KCNH7: variants seen among roughly 807,000 people sequenced by gnomAD.
KCNH7 encodes the protein potassium voltage-gated channel subfamily H member 7.
A neutral mutation model predicts 120.8 loss-of-function variants in KCNH7; 49 were observed. That is an observed-to-expected ratio of 0.41 (90% CI 0.32 to 0.51). The LOEUF (loss-of-function observed/expected upper bound fraction) is 0.51. KCNH7 is among the 20% of genes least tolerant of loss of function. The pLI is 0.38. For missense variants in KCNH7, 1,097 were observed against 1,446.6 expected (o/e 0.76, Z 3.92); for synonymous variants, 547 against 516.1 (o/e 1.06, Z -0.81).
intron 9 of KCNH7, among the ~76,000 whole-genome samples, chr2:162,409,769 C>A (rs1687331149): frequency 6.6e-6 from 1 of 151,870 alleles, no homozygotes; most frequent in African/African-American, 2.4e-5. Context: ...AAATCAGTAG[C>A]ATTTCTATAC....
At chr2:162,825,141 G>T (rs1195881534) in intron 2 of KCNH7, among the ~76,000 whole-genome samples, 1 of 151,978 alleles carries the variant, frequency 6.6e-6, no homozygotes, top group Non-Finnish European at 1.5e-5. Flanking sequence ...TTGGAAAAAT[G>T]CCAGCAAATT....
intron 6 of KCNH7, among the ~76,000 whole-genome samples, chr2:162,476,019 G>C (rs1285153684): frequency 1.3e-5 from 2 of 152,194 alleles, no homozygotes; most frequent in Non-Finnish European, 2.9e-5. Context: ...CCAGAAAACT[G>C]CAACTGGAGA....
chr2:162,581,594 T>C (rs1693868084), intron 2 of KCNH7, among the ~76,000 whole-genome samples: 1 of 88,690 alleles, frequency 1.1e-5, no homozygotes, highest in African/African-American at 7.6e-5. Context: ...ACTGCAATTC[T>C]TTTAAGATTT....
At chr2:162,654,986 G>A (rs536874100) in intron 2 of KCNH7, among the ~76,000 whole-genome samples, 2 of 152,228 alleles carry the variant, frequency 1.3e-5, no homozygotes, top group Admixed American at 1.3e-4. Context: ...GGAAGGGGAG[G>A]AGCAGGATTA....
At position 162,372,108 on chromosome 2, in the gene KCNH7, G is replaced by A. The variant is rs1558911697; in HGVS notation, c.3325-13C>T. 1 of 1,592,506 alleles carries A rather than the reference G, an allele frequency of 6.3e-7. No homozygotes were observed. Among genetic ancestry groups the A allele is most frequent in the African/African-American group, 1.4e-5 (1 of 73,944 alleles). On this transcript the variant is annotated splice_polypyrimidine_tract_variant and intron_variant, in intron 15 of 15. Transcript: ENST00000332142. ...GAAATTCAGGACACTGATGGAAAAA[G>A]AACAAAACAAGTTTTTATAATTCAC...
chr2:162,792,528 G>A (rs1683984460), intron 2 of KCNH7, among the ~76,000 whole-genome samples: 1 of 151,978 alleles, frequency 6.6e-6, no homozygotes, highest in Non-Finnish European at 1.5e-5. Flanking sequence ...GTGTGTCCAG[G>A]AAATTATCCA....
Position 162,800,425 on chromosome 2 carries a change from T to TAC in KCNH7, c.307+36110_307+36111dup, listed in dbSNP as rs1288315102. ...AGTATTTTTACATTTTTATTGAGTA[T>TAC]ACTATTATCACCTATGGTAATTTTT... On this transcript the variant is annotated intron_variant, in intron 2 of 15. Transcript: ENST00000332142. Among the ~76,000 whole-genome samples the TAC allele has an allele frequency of 9.9e-5, 15 of 151,886 alleles. No homozygotes were observed. In the East Asian group the frequency reaches 2.9e-3, roughly 29 times the overall value.
chr2:162,443,717 C>A (rs1483794217), intron 7 of KCNH7, among the ~76,000 whole-genome samples: 1 of 152,192 alleles, frequency 6.6e-6, no homozygotes, highest in East Asian at 1.9e-4. Context: ...AGATGACAGC[C>A]TTTGCAGTCT....
At chr2:162,623,332 G>A (rs1476433694) in intron 2 of KCNH7, among the ~76,000 whole-genome samples, 1 of 152,034 alleles carries the variant, frequency 6.6e-6, no homozygotes, top group Non-Finnish European at 1.5e-5. Context: ...CTTGCCTTTT[G>A]TTGTCATTTT....
intron 13 of KCNH7, among the ~76,000 whole-genome samples, chr2:162,381,868 A>G (rs1027504763): frequency 8.5e-5 from 13 of 152,118 alleles, no homozygotes; most frequent in Non-Finnish European, 1.8e-4. Context: ...ACCTGTTTAA[A>G]ATGCAAAACA....
intron 2 of KCNH7, among the ~76,000 whole-genome samples, chr2:162,770,756 A>G (rs1202098362): frequency 1.3e-5 from 2 of 152,052 alleles, no homozygotes; most frequent in African/African-American, 2.4e-5. Flanking sequence ...AGACATCTAT[A>G]TTTCTAAATA....
chr2:162,384,755 G>C lies in KCNH7; in HGVS notation c.2895C>G (p.Leu965=). Residue 965 remains leucine (L), a synonymous_variant, in exon 13 of 16, where the codon CTC becomes CTG. Coordinates refer to ENST00000332142, the MANE Select transcript of KCNH7 (RefSeq NM_033272.4). ...AGGTGGGCACTGTTTCTTCAAAATC[G>C]AGCCCAGATGCTTTCCCTATTCCTG... ...SSPGIGKASG[L]DFEETVPTSG... is the part of the protein sequence containing the mutation. 1.2e-6 allele frequency: 2 copies of C among 1,612,666 alleles called. No homozygotes were observed. Among genetic ancestry groups the C allele is most frequent in the Non-Finnish European group, 1.7e-6 (2 of 1,179,038 alleles).
intron 6 of KCNH7, among the ~76,000 whole-genome samples, chr2:162,470,197 C>T (rs1689460755): frequency 6.6e-6 from 1 of 151,892 alleles, no homozygotes; most frequent in Admixed American, 6.5e-5. Flanking sequence ...GCCCCTCTGC[C>T]TGGCTGCCCA....
intron 2 of KCNH7, among the ~76,000 whole-genome samples, chr2:162,822,282 C>A (rs549703880): frequency 6.6e-6 from 1 of 151,988 alleles, no homozygotes; most frequent in South Asian, 2.1e-4. Flanking sequence ...AATTCCTTAT[C>A]ACATTTTTAA....
chr2:162,801,551 T>C (rs1330452673), intron 2 of KCNH7, among the ~76,000 whole-genome samples: 1 of 151,800 alleles, frequency 6.6e-6, no homozygotes, highest in East Asian at 1.9e-4. Context: ...ATTCTGATGT[T>C]CTCAAAAGGC....
intron 2 of KCNH7, among the ~76,000 whole-genome samples, chr2:162,641,591 T>C (rs1385168825): frequency 6.6e-6 from 1 of 152,030 alleles, no homozygotes; most frequent in African/African-American, 2.4e-5. Context: ...TTATTCCTCT[T>C]ACACAACATT....
intron 2 of KCNH7, among the ~76,000 whole-genome samples, chr2:162,817,420 A>G (rs956546098): frequency 6.6e-6 from 1 of 152,092 alleles, no homozygotes; most frequent in Non-Finnish European, 1.5e-5. Flanking sequence ...TGATTGGTGT[A>G]CCATTGTCTG....
At position 162,400,391 on chromosome 2, in the gene KCNH7, G is replaced by C. The variant is rs1295958943; in HGVS notation, c.2205C>G (p.Leu735=). 2 of 1,612,234 alleles carry C rather than the reference G, an allele frequency of 1.2e-6. No individual in the cohort carries two copies. The highest frequency in any genetic ancestry group is 1.7e-6 in the Non-Finnish European group (2 of 1,178,794). Residue 735 remains leucine, a synonymous_variant, in exon 10 of 16, where the codon CTC becomes CTG. Coordinates refer to ENST00000332142, the MANE Select transcript of KCNH7 (RefSeq NM_033272.4). Reference sequence around the variant, plus strand: ...TGCAGTTTTGCAGCAATGTCTGGTTGAGATGTAGACAAATGTCTGCTTGTA... The same window carrying C: ...TGCAGTTTTGCAGCAATGTCTGGTTCAGATGTAGACAAATGTCTGCTTGTA... The part of the protein sequence containing the change: ...ECLQADICLH[L]NQTLLQNCKA...
chr2:162,836,489 C>T, intron 2 of KCNH7, 48 bp downstream of exon 2: 1 of 1,472,304 alleles, frequency 6.8e-7, no homozygotes, highest in Non-Finnish European at 9.4e-7. Flanking sequence ...GTCAAAATTT[C>T]TTTTCAATGG....
Sources: allele counts gnomAD v4.1 joint callset (sites outside exome capture counted in the v4.1 genomes callset), GRCh38; gene constraint gnomAD v4.1.1; transcripts MANE v1.5; gene names NCBI Gene and HGNC (gene_info 2026-07-23, HGNC 2026-07-21).